RYR3: variants seen among roughly 807,000 people sequenced by gnomAD.
RYR3 encodes ryanodine receptor 3.
RYR3 carries 207 observed loss-of-function variants against 584.3 expected under a neutral mutation model. That is an observed-to-expected ratio of 0.35 (90% CI 0.32 to 0.40). RYR3 has a LOEUF of 0.40. Ranked by LOEUF, RYR3 falls within the 10% of genes least tolerant of loss-of-function variation. RYR3 has a pLI of 1.00. For synonymous variants in RYR3, 2,416 were observed against 2,248.5 expected, an observed-to-expected ratio of 1.07 and a Z score of -2.11; for missense variants, 5,616 against 6,089.2, an observed-to-expected ratio of 0.92 and a Z score of 2.59.
intron 58 of RYR3, among the ~76,000 whole-genome samples, chr15:33,755,896 A>T (rs950295815): frequency 6.6e-6 from 1 of 151,972 alleles, no homozygotes; most frequent in Non-Finnish European, 1.5e-5. Flanking sequence ...CAGCCTCCCA[A>T]GTAGCTGGAA....
chr15:33,433,277 T>C (rs1427067465), intron 1 of RYR3, among the ~76,000 whole-genome samples: 1 of 152,198 alleles, frequency 6.6e-6, no homozygotes, highest in Non-Finnish European at 1.5e-5. Flanking sequence ...TAGAAGAGTA[T>C]CTTTGTTTGA....
chr15:33,578,774 A>AAACAAC (rs1555536817), intron 12 of RYR3, among the ~76,000 whole-genome samples: 1 of 140,044 alleles, frequency 7.1e-6, no homozygotes, highest in Non-Finnish European at 1.5e-5. Context: ...ATAAAAAAAA[A>AAACAAC]AAAACAACAA....
chr15:33,545,621 A>G (rs1252668805), intron 8 of RYR3, among the ~76,000 whole-genome samples: 1 of 152,172 alleles, frequency 6.6e-6, no homozygotes, highest in Non-Finnish European at 1.5e-5. Context: ...ACTAGTCTCA[A>G]TCAAAACAGG....
intron 94 of RYR3, 191 bp from the exon 95 acceptor site, chr15:33,852,854 A>G: frequency 1.9e-6 from 1 of 535,248 alleles, no homozygotes; most frequent in Non-Finnish European, 3.4e-6. Context: ...GCCAATACAA[A>G]GTAATGAAGC....
intron 85 of RYR3, 89 bp from the exon 86 acceptor site, chr15:33,830,874 C>G (rs1038309713): frequency 1.5e-6 from 2 of 1,368,130 alleles, no homozygotes; most frequent in Admixed American, 4.3e-5. Flanking sequence ...CATAGAGATG[C>G]AGGATTATCA....
chr15:33,458,928 A>G (rs1596234662), intron 1 of RYR3, among the ~76,000 whole-genome samples: 3 of 152,176 alleles, frequency 2.0e-5, no homozygotes, highest in South Asian at 4.1e-4. Context: ...TCTTTTTGTC[A>G]TATCCAGAAC....
rs1334340653 is a variant in RYR3 at position 33,511,834 on chromosome 15, A to G, written c.279+8096A>G. Among the ~76,000 whole-genome samples, 5 of 152,190 alleles carry G rather than the reference A, an allele frequency of 3.3e-5. No individual in the cohort carries two copies. In the East Asian group the frequency reaches 9.6e-4, roughly 29 times the overall value. ...CGCTCTGTCGCCCAGGCTGCAGTGC[A>G]GTGGCGCGATCTCGGCTCACTGCAA... On this transcript the variant is annotated intron_variant, in intron 3 of 103. Coordinates refer to ENST00000634891, the MANE Select transcript of RYR3 (RefSeq NM_001036.6).
chr15:33,541,115 G>A (rs1055934058), intron 7 of RYR3, among the ~76,000 whole-genome samples: 10 of 151,820 alleles, frequency 6.6e-5, no homozygotes, highest in African/African-American at 2.4e-4. Flanking sequence ...ACCCCTTGGA[G>A]CCCACTATTG....
rs1400678942 is a variant in RYR3 at position 33,736,252 on chromosome 15, T to C, written c.7442T>C (p.Met2481Thr). The change falls in exon 49 of 104, where the codon ATG (methionine) becomes ACG (threonine). Residue 2481 changes from methionine (M) to threonine (T), a missense_variant. Met to Thr is a moderately conservative substitution (Grantham distance 81). Coordinates refer to ENST00000634891, the MANE Select transcript of RYR3 (RefSeq NM_001036.6). ...LAICNHLRPS[M>T]LQQLLRRLVF... ...TACTGCAGTCACTTGAGGCCTTCCA[T>C]GTTACAGCAACTCCTGCGACGCCTC... 6 of 1,612,302 alleles carry C rather than the reference T, an allele frequency of 3.7e-6. No individual in the cohort carries two copies. Among genetic ancestry groups the C allele is most frequent in the African/African-American group, 2.7e-5 (2 of 74,916 alleles).
chr15:33,825,766 CT>C, intron 82 of RYR3, 90 bp downstream of exon 82: 1 of 746,568 alleles, frequency 1.3e-6, no homozygotes, highest in Non-Finnish European at 2.0e-6. Context: ...GAGTTTCGCT[CT>C]TGTTGCTCAG....
chr15:33,503,290 T>G (rs1370639987), intron 2 of RYR3, among the ~76,000 whole-genome samples: 1 of 152,202 alleles, frequency 6.6e-6, no homozygotes, highest in Non-Finnish European at 1.5e-5. Flanking sequence ...AGTGGCTTTC[T>G]TTCTCTGGTC....
At chr15:33,529,466 C>A (rs770591580) in intron 3 of RYR3, among the ~76,000 whole-genome samples, 1 of 152,108 alleles carries the variant, frequency 6.6e-6, no homozygotes, top group Non-Finnish European at 1.5e-5. Flanking sequence ...CAGGTGGACA[C>A]GGGAGACGGG....
Position 33,320,120 on chromosome 15 carries a change from A to G in RYR3, c.51+9024A>G, listed in dbSNP as rs60737482. Among the ~76,000 whole-genome samples, 1,083 of 152,314 alleles carry G rather than the reference A, an allele frequency of 7.1e-3. 12 individuals are homozygous for G. The highest frequency in any genetic ancestry group is 0.025 in the African/African-American group (1,052 of 41,578). ...TTGTGCAGCTGCAAATAAGCACTCC[A>G]AATCTGTTTGAATGAAAGCACTCCC... On this transcript the variant is annotated intron_variant, in intron 1 of 103. Transcript: ENST00000634891.
chr15:33,804,580 A>C (rs2076084107), intron 69 of RYR3, among the ~76,000 whole-genome samples: 2 of 152,240 alleles, frequency 1.3e-5, no homozygotes, highest in South Asian at 4.1e-4. Context: ...TCTAGGATAG[A>C]GTAATATTTG....
intron 38 of RYR3, among the ~76,000 whole-genome samples, chr15:33,692,998 G>T (rs2065551528): frequency 6.6e-6 from 1 of 152,170 alleles, no homozygotes; most frequent in African/African-American, 2.4e-5. Context: ...CACCAGATCT[G>T]ATTATTGCTT....
intron 65 of RYR3, among the ~76,000 whole-genome samples, chr15:33,782,470 G>A (rs1018570160): frequency 1.3e-5 from 2 of 152,194 alleles, no homozygotes; most frequent in East Asian, 1.9e-4. Flanking sequence ...GGGACTCTAT[G>A]TCCAGCTCCC....
chr15:33,640,714 G>A (rs1294576135), intron 27 of RYR3, among the ~76,000 whole-genome samples: 1 of 152,156 alleles, frequency 6.6e-6, no homozygotes, highest in Non-Finnish European at 1.5e-5. Context: ...AAATGTAAAT[G>A]CATATATTCT....
chr15:33,551,769 G>A (rs1182412844), intron 10 of RYR3, among the ~76,000 whole-genome samples: 2 of 151,846 alleles, frequency 1.3e-5, no homozygotes, highest in African/African-American at 4.8e-5. Context: ...TAGATTCCCA[G>A]CACAAGAGGG....
intron 3 of RYR3, among the ~76,000 whole-genome samples, chr15:33,526,202 ATCCTCTGGGAACTACTAGAAGAAACG>A (rs1198708642): frequency 6.6e-6 from 1 of 152,204 alleles, no homozygotes; most frequent in Admixed American, 6.5e-5. Flanking sequence ...GGGAAGAAAT[ATCCTCTGGGAACTACTAGAAGAAACG>A]TCAGTAATGG....
Sources: allele counts gnomAD v4.1 joint callset (sites outside exome capture counted in the v4.1 genomes callset), GRCh38; gene constraint gnomAD v4.1.1; transcripts MANE v1.5; gene names NCBI Gene and HGNC (gene_info 2026-07-23, HGNC 2026-07-21).